FRAS1: variants seen among roughly 807,000 people sequenced by gnomAD.
The protein encoded by FRAS1 is extracellular matrix organizing protein FRAS1.
In FRAS1, 290 loss-of-function variants were observed where a neutral mutation model predicts 435.2. That is an observed-to-expected ratio of 0.67 (90% CI 0.61 to 0.73). The LOEUF is 0.73. FRAS1 is among the 30% of genes least tolerant of loss of function. FRAS1 has a pLI of 0.00. For missense variants in FRAS1, 4,860 were observed against 5,001.5 expected (o/e 0.97, Z 0.85); for synonymous variants, 1,800 against 1,851.0 (o/e 0.97, Z 0.71).
intron 2 of FRAS1, among the ~76,000 whole-genome samples, chr4:78,145,305 T>C (rs1453204277): frequency 6.6e-6 from 1 of 152,204 alleles, no homozygotes; most frequent in Admixed American, 6.5e-5. Context: ...TAAGGGTGTT[T>C]ATGTTCAGTG....
chr4:78,475,753 C>A, intron 54 of FRAS1, 147 bp downstream of exon 54: 2 of 701,674 alleles, frequency 2.9e-6, no homozygotes, highest in Non-Finnish European at 4.4e-6. Context: ...TGTTCCCCTC[C>A]CATAGTACTT....
At chr4:78,447,298 A>AAAAC (rs1718874965) in intron 43 of FRAS1, among the ~76,000 whole-genome samples, 1 of 147,508 alleles carries the variant, frequency 6.8e-6, no homozygotes, top group Admixed American at 6.9e-5. Flanking sequence ...TAAAAAAAAA[A>AAAAC]AAAAAACACT....
intron 34 of FRAS1, among the ~76,000 whole-genome samples, chr4:78,422,495 C>T (rs962416957): frequency 4.6e-5 from 7 of 151,962 alleles, no homozygotes; most frequent in African/African-American, 9.7e-5. Flanking sequence ...TAGAAGCTGA[C>T]GAGGAAAAGT....
intron 61 of FRAS1, among the ~76,000 whole-genome samples, chr4:78,500,543 C>T (rs927845856): frequency 1.4e-4 from 22 of 152,290 alleles, no homozygotes; most frequent in African/African-American, 5.1e-4. Context: ...GGTTTCTTCA[C>T]AGAACTTTCT....
chr4:78,153,180 A>G (rs374083772), intron 2 of FRAS1, among the ~76,000 whole-genome samples: 2 of 151,992 alleles, frequency 1.3e-5, no homozygotes, highest in African/African-American at 4.8e-5. Context: ...AGACTTTTTG[A>G]TAGCCTTCCA....
chr4:78,472,669 A>AAC (rs1260156620), intron 52 of FRAS1, among the ~76,000 whole-genome samples: 1 of 152,244 alleles, frequency 6.6e-6, no homozygotes, highest in African/African-American at 2.4e-5. Context: ...TAACAAGCAG[A>AAC]CATTATGAAA....
chr4:78,429,046 C>CTGTGTG (rs3086823), intron 35 of FRAS1, 49 bp from the exon 36 acceptor site: 32,019 of 1,377,066 alleles, frequency 0.023, 969 homozygotes, highest in African/African-American at 0.18. Flanking sequence ...GTGCGTGTCT[C>CTGTGTG]TGTGTGTGTG....
chr4:78,506,896 G>C (rs1720864793), intron 61 of FRAS1, among the ~76,000 whole-genome samples: 1 of 152,152 alleles, frequency 6.6e-6, no homozygotes, highest in Non-Finnish European at 1.5e-5. Flanking sequence ...GGTACCCAAA[G>C]TGGGTCTTGA....
chr4:78,117,582 G>C (rs1718696075), intron 2 of FRAS1, among the ~76,000 whole-genome samples: 1 of 151,988 alleles, frequency 6.6e-6, no homozygotes, highest in African/African-American at 2.4e-5. Context: ...TCATTCATTT[G>C]CTCTTCCGTC....
At chr4:78,511,681 T>C in intron 64 of FRAS1, 175 bp downstream of exon 64, 1 of 661,522 alleles carries the variant, frequency 1.5e-6, no homozygotes. Flanking sequence ...CCCCTGCCTA[T>C]CTTCCTAGTC....
intron 28 of FRAS1, among the ~76,000 whole-genome samples, chr4:78,384,538 C>A: frequency 6.6e-6 from 1 of 152,100 alleles, no homozygotes; most frequent in East Asian, 1.9e-4. Context: ...GCTACAGAGG[C>A]GGTGTTCTTA....
chr4:78,468,325 CT>C (rs1560744753), intron 50 of FRAS1, among the ~76,000 whole-genome samples: 1 of 152,122 alleles, frequency 6.6e-6, no homozygotes, highest in African/African-American at 2.4e-5. Context: ...ATTTCCAGCC[CT>C]GTCATGTACA....
At chr4:78,475,036 A>G (rs536891681) in intron 53 of FRAS1, among the ~76,000 whole-genome samples, 1 of 152,244 alleles carries the variant, frequency 6.6e-6, no homozygotes, top group African/African-American at 2.4e-5. Context: ...GTTCCCACCT[A>G]AGTCATTGAT....
Position 78,337,656 on chromosome 4 carries a change from T to TCC in FRAS1, c.2279-18_2279-17insCC. On this transcript the variant is annotated splice_polypyrimidine_tract_variant and intron_variant, in intron 19 of 73. Transcript: ENST00000512123. The stretch of plus-strand genomic sequence containing the variant: ...GCTGAGCTGCTAATTCCAATCCTGG[T>TCC]TTTCGTCCCCCTGCCAGAGTGTCAC... 6.2e-7 allele frequency: 1 copy of TCC among 1,607,744 alleles called. No homozygotes were observed.
At chr4:78,122,568 G>T (rs557852431) in intron 2 of FRAS1, among the ~76,000 whole-genome samples, 19 of 152,170 alleles carry the variant, frequency 1.2e-4, no homozygotes, top group African/African-American at 4.6e-4. Context: ...TTCCACAATG[G>T]TTGAACTAAT....
At chr4:78,441,566 G>C (rs187538783) in intron 41 of FRAS1, among the ~76,000 whole-genome samples, 274 of 152,274 alleles carry the variant, frequency 1.8e-3, no homozygotes, top group Admixed American at 4.1e-3. Flanking sequence ...TGGTGGGGGG[G>C]TGAGAGACAA....
intron 59 of FRAS1, among the ~76,000 whole-genome samples, chr4:78,495,438 A>T (rs1024100365): frequency 5.9e-5 from 9 of 152,188 alleles, no homozygotes; most frequent in African/African-American, 2.2e-4. Flanking sequence ...TACTACAAAA[A>T]TAAAAGTGAT....
chr4:78,324,137 T>C (rs2110245234), intron 18 of FRAS1, among the ~76,000 whole-genome samples: 1 of 152,316 alleles, frequency 6.6e-6, no homozygotes, highest in South Asian at 2.1e-4. Context: ...CGTTTTTGTT[T>C]TTTCTCACTG....
At chr4:78,447,263 T>A (rs1275067353) in intron 43 of FRAS1, among the ~76,000 whole-genome samples, 1 of 136,762 alleles carries the variant, frequency 7.3e-6, no homozygotes, top group African/African-American at 2.8e-5. Flanking sequence ...GCATACTAGA[T>A]GTCTTTATGA....
Sources: allele counts gnomAD v4.1 joint callset (sites outside exome capture counted in the v4.1 genomes callset), GRCh38; gene constraint gnomAD v4.1.1; transcripts MANE v1.5; gene names NCBI Gene and HGNC (gene_info 2026-07-23, HGNC 2026-07-21).